The following ACBD5 variants were observed in gnomAD, a reference collection of about 807,000 sequenced individuals.
ACBD5 encodes the protein acyl-CoA binding domain containing 5.
In ACBD5, 40 loss-of-function variants were observed where a neutral mutation model predicts 71.8. That is an observed-to-expected ratio of 0.56 (90% CI 0.43 to 0.72). ACBD5 has a LOEUF of 0.72. Among genes scored for constraint, ACBD5 ranks in the 30% least tolerant of loss-of-function variants. The pLI is 0.00. For missense variants in ACBD5, 559 were observed against 644.5 expected (o/e 0.87, Z 1.44); for synonymous variants, 229 against 218.6 (o/e 1.05, Z -0.42).
At chr10:27,228,008 C>T (rs1052253207) in intron 4 of ACBD5, among the ~76,000 whole-genome samples, 3 of 151,846 alleles carry the variant, frequency 2.0e-5, no homozygotes, top group East Asian at 2.0e-4. Context: ...CCACCGCGCC[C>T]GGCCGAGATT....
At chr10:27,213,231 C>CA (rs1265883024) in intron 8 of ACBD5, among the ~76,000 whole-genome samples, 1 of 152,176 alleles carries the variant, frequency 6.6e-6, no homozygotes, top group Non-Finnish European at 1.5e-5. Flanking sequence ...AAAAGACCTA[C>CA]AAATGGCCAA....
chr10:27,227,009 A>ATTTTTTTTTTTTTTTTTTTTTTTTTT (rs56406048), intron 4 of ACBD5, among the ~76,000 whole-genome samples: 1 of 78,402 alleles, frequency 1.3e-5, no homozygotes, highest in Non-Finnish European at 2.2e-5. Context: ...TTTTTTTGCG[A>ATTTTTTTTTTTTTTTTTTTTTTTTTT]TTTTTTTTTT....
At chr10:27,230,312 G>GA (rs552354527) in intron 4 of ACBD5, among the ~76,000 whole-genome samples, 1,762 of 140,448 alleles carry the variant, frequency 0.013, 109 homozygotes, top group Admixed American at 0.097. Flanking sequence ...AATTTAAAAA[G>GA]AAAAAAAAAA....
chr10:27,195,067 C>A (rs2059269628), downstream of ACBD5: 1 of 263,062 alleles, frequency 3.8e-6, no homozygotes, highest in Non-Finnish European at 7.5e-6. Flanking sequence ...AGTTAAATTT[C>A]ATCCCAGTTT....
chr10:27,222,757 G>A (rs913685325), intron 5 of ACBD5, among the ~76,000 whole-genome samples: 1 of 152,044 alleles, frequency 6.6e-6, no homozygotes, highest in Admixed American at 6.6e-5. Context: ...TTTTTGTAGA[G>A]ACGGGGTTTC....
chr10:27,208,248 G>A lies in ACBD5; in HGVS notation c.1402C>T (p.Gln468Ter). ...LQKLETLTAL[Q>*]AKSSTSTLQT... ...GTATGATACATTTGGAAGTTTACCT[G>A]CAAAGCAGTCAGCGTTTCCAGTTTC... is the stretch of plus-strand genomic sequence containing the variant. Residue 468 changes from glutamine to a stop codon, truncating the protein, a stop_gained and splice_region_variant, in exon 10 of 13, where the codon CAG becomes TAG. Coordinates refer to ENST00000396271, the MANE Select transcript of ACBD5 (RefSeq NM_145698.5). LOFTEE classifies it high-confidence loss of function. 2 of 1,614,102 alleles carry A rather than the reference G, an allele frequency of 1.2e-6. No homozygotes were observed. The highest frequency in any genetic ancestry group is 1.1e-5 in the South Asian group (1 of 91,080).
intron 3 of ACBD5, 83 bp downstream of exon 3, chr10:27,235,009 A>T: frequency 7.2e-7 from 1 of 1,388,894 alleles, no homozygotes; most frequent in Non-Finnish European, 1.0e-6. Flanking sequence ...GCACAGAATA[A>T]TATATAACCA....
At chr10:27,231,848 CAAAG>C in intron 3 of ACBD5, 28 bp from the exon 4 acceptor site, 1 of 1,597,122 alleles carries the variant, frequency 6.3e-7, no homozygotes, top group Non-Finnish European at 8.6e-7. Context: ...CACAAAATGA[CAAAG>C]AGACATCTGA....
chr10:27,185,902 CAACATGGCGA>C (rs1378395743), intron 13 of ACBD5, among the ~76,000 whole-genome samples: 2 of 151,936 alleles, frequency 1.3e-5, no homozygotes, highest in African/African-American at 4.8e-5. Context: ...CCAACCTGCC[CAACATGGCGA>C]AACCCCGTCT....
rs1450599855 is a variant in ACBD5, at chr10:27,205,233, A to G, written c.1420T>C (p.Ser474Pro). 1.9e-6 allele frequency: 3 copies of G among 1,613,194 alleles called. No homozygotes were observed. The highest frequency in any genetic ancestry group is 3.3e-5 in the Admixed American group (2 of 59,990). The part of the protein sequence containing the change: ...LTALQAKSST[S>P]TLQTAPQPTS... ...GGCTGAGGAGCAGTCTGCAATGTTGATGTTGATGATTTTGCCTGTAAATGC... is the reference window on the plus strand; with the variant it reads ...GGCTGAGGAGCAGTCTGCAATGTTGGTGTTGATGATTTTGCCTGTAAATGC... The change falls in exon 11 of 13, where the codon TCA becomes CCA. Residue 474 changes from serine (S) to proline (P), a missense_variant. Transcript: ENST00000396271.
chr10:27,184,203 T>C (rs2058498846), intron 13 of ACBD5, among the ~76,000 whole-genome samples: 1 of 152,092 alleles, frequency 6.6e-6, no homozygotes, highest in African/African-American at 2.4e-5. Flanking sequence ...TAGTGGTAAA[T>C]ACTAGGAAGA....
intron 3 of ACBD5, among the ~76,000 whole-genome samples, chr10:27,233,201 C>T (rs1251426147): frequency 6.6e-6 from 1 of 151,966 alleles, no homozygotes; most frequent in African/African-American, 2.4e-5. Flanking sequence ...CCATGGCGGG[C>T]GGATCACTTT....
rs887599934 is a variant in ACBD5, at chr10:27,219,771, C to A, written c.577G>T (p.Glu193Ter). ...TTCACTTCTTCTTGGGCCTCTTCTT[C>A]CTCAGACTCGGCTCCACTGTCACTG... ...ESSDSGAESE[E>*]EEAQEEVKGA... Residue 193 changes from glutamate to a stop codon, truncating the protein, a stop_gained, in exon 6 of 13, where the codon GAA becomes TAA. Coordinates refer to ENST00000396271, the MANE Select transcript of ACBD5 (RefSeq NM_145698.5). LOFTEE classifies it high-confidence loss of function. 3 of 1,614,118 alleles carry A rather than the reference C, an allele frequency of 1.9e-6. No homozygotes were observed. The highest frequency in any genetic ancestry group is 2.5e-6 in the Non-Finnish European group (3 of 1,180,006).
intron 12 of ACBD5, among the ~76,000 whole-genome samples, chr10:27,198,445 A>G (rs2059578959): frequency 6.6e-6 from 1 of 152,212 alleles, no homozygotes; most frequent in South Asian, 2.1e-4. Context: ...CTCTCATAAC[A>G]GATTGATTCC....
rs562763215 is a variant in ACBD5, at chr10:27,223,883, C to G, written c.376-431G>C. ...CATTATGGCACCACTGCACTCCAGG[C>G]TTGGTGACAGAGTGAGATGCCATCT... On this transcript the variant is annotated intron_variant, in intron 4 of 12. Coordinates refer to ENST00000396271, the MANE Select transcript of ACBD5 (RefSeq NM_145698.5). Among the ~76,000 whole-genome samples, 56 of 151,906 alleles carry G rather than the reference C, an allele frequency of 3.7e-4. No individual in the cohort carries two copies. In the South Asian group the frequency reaches 7.3e-3, roughly 20 times the overall value.
chr10:27,228,815 A>ATATATATATATATATATT (rs1554856598), intron 4 of ACBD5, among the ~76,000 whole-genome samples: 2 of 20,366 alleles, frequency 9.8e-5, no homozygotes, highest in African/African-American at 1.2e-4. Context: ...ATATATATAT[A>ATATATATATATATATATT]TTTTTTTTTT....
Position 27,208,296 on chromosome 10 carries a change from G to A in ACBD5, c.1354C>T (p.Gln452Ter). ...TTCTGCAGTCTCTGAAGGACATTCT[G>A]CATGTCCTCCTGCAGTCTCATCAGC... ...LVLMRLQEDM[Q>*]NVLQRLQKLE... Residue 452 changes from glutamine (Q) to a stop codon, truncating the protein, a stop_gained, in exon 10 of 13, where the codon CAG (glutamine) becomes TAG (stop). Transcript: ENST00000396271. LOFTEE classifies it high-confidence loss of function. The A allele has an allele frequency of 1.2e-6, 2 of 1,614,154 alleles. No homozygotes were observed. The highest frequency in any genetic ancestry group is 1.7e-6 in the Non-Finnish European group (2 of 1,180,036).
At chr10:27,214,717 A>AT (rs2061442892) in intron 8 of ACBD5, among the ~76,000 whole-genome samples, 1 of 152,208 alleles carries the variant, frequency 6.6e-6, no homozygotes, top group Non-Finnish European at 1.5e-5. Context: ...AATCCAGTGA[A>AT]TTACAGTCAA....
At chr10:27,204,965 A>C (rs1225488992) in intron 11 of ACBD5, among the ~76,000 whole-genome samples, 1 of 152,094 alleles carries the variant, frequency 6.6e-6, no homozygotes, top group African/African-American at 2.4e-5. Flanking sequence ...GTCTCTACTA[A>C]AAATACAAAA....
Sources: allele counts gnomAD v4.1 joint callset (sites outside exome capture counted in the v4.1 genomes callset), GRCh38; gene constraint gnomAD v4.1.1; transcripts MANE v1.5; gene names NCBI Gene and HGNC (gene_info 2026-07-23, HGNC 2026-07-21).